Variants in LINGO2 observed in about 807,000 individuals in gnomAD.
LINGO2 encodes the protein leucine-rich repeat and immunoglobulin-like domain-containing nogo receptor-interacting protein 2.
In LINGO2, 14 loss-of-function variants were observed where a neutral mutation model predicts 30.6. The ratio of observed to expected loss-of-function variants is 0.46; its 90% CI spans 0.30 to 0.72. LINGO2 has a LOEUF of 0.72. LINGO2 is among the 30% of genes least tolerant of loss of function. The pLI is 0.07. For synonymous variants in LINGO2, 317 were observed against 288.5 expected, an observed-to-expected ratio of 1.10 and a Z score of -1.00; for missense variants, 729 against 751.7, an observed-to-expected ratio of 0.97 and a Z score of 0.35.
chr9:28,438,192 T>C (rs1393420042), intron 2 of LINGO2, among the ~76,000 whole-genome samples: 1 of 152,154 alleles, frequency 6.6e-6, no homozygotes, highest in Non-Finnish European at 1.5e-5. Flanking sequence ...GATGGTGAAT[T>C]TTATGGGTCA....
At chr9:28,644,479 A>G (rs1827742275) in intron 1 of LINGO2, among the ~76,000 whole-genome samples, 1 of 152,040 alleles carries the variant, frequency 6.6e-6, no homozygotes, top group Non-Finnish European at 1.5e-5. Context: ...AACCAAAACA[A>G]TTGAACTCAT....
At chr9:28,848,363 TTGTGTGTGTGTGTGTGTGTG>T in the LINGO2 span, among the ~76,000 whole-genome samples, 4 of 74,676 alleles carry the variant, frequency 5.4e-5, 1 homozygote, top group African/African-American at 1.9e-4. Context: ...TACACATATA[TTGTGTGTGTGTGTGTGTGTG>T]TGTGTGTGTG....
the LINGO2 span, among the ~76,000 whole-genome samples, chr9:28,938,327 A>G: frequency 9.9e-5 from 15 of 152,276 alleles, no homozygotes; most frequent in Non-Finnish European, 8.8e-5. Flanking sequence ...TCATTTTTTA[A>G]TAATATGCAT....
intron 5 of LINGO2, among the ~76,000 whole-genome samples, chr9:27,989,655 G>A (rs537148934): frequency 4.6e-5 from 7 of 152,052 alleles, no homozygotes; most frequent in Non-Finnish European, 7.4e-5. Context: ...TGGAACCAAA[G>A]ACCTATGTCC....
chr9:28,231,445 T>C (rs1821352430), intron 4 of LINGO2, among the ~76,000 whole-genome samples: 1 of 152,066 alleles, frequency 6.6e-6, no homozygotes, highest in African/African-American at 2.4e-5. Flanking sequence ...ACTAAAGGAT[T>C]CTTAAATATT....
At chr9:28,562,790 C>T (rs190687225) in intron 1 of LINGO2, among the ~76,000 whole-genome samples, 4 of 152,086 alleles carry the variant, frequency 2.6e-5, no homozygotes, top group African/African-American at 9.6e-5. Flanking sequence ...ATATAGTTAC[C>T]ACATTTAATC....
the LINGO2 span, among the ~76,000 whole-genome samples, chr9:28,848,393 GTGTGTATATATATATA>G: frequency 2.3e-3 from 157 of 67,200 alleles, 1 homozygote; most frequent in African/African-American, 9.4e-3. Context: ...GTGTGTGTGT[GTGTGTATATATATATA>G]TATATATATA....
At chr9:28,545,881 G>A (rs527304285) in intron 1 of LINGO2, among the ~76,000 whole-genome samples, 96 of 152,136 alleles carry the variant, frequency 6.3e-4, no homozygotes, top group African/African-American at 2.3e-3. Flanking sequence ...TAGAAAGTGG[G>A]TGAGTAAACT....
the LINGO2 span, among the ~76,000 whole-genome samples, chr9:28,908,488 C>T: frequency 6.6e-6 from 1 of 151,960 alleles, no homozygotes; most frequent in Middle Eastern, 3.4e-3. Flanking sequence ...TCCTCTCTCA[C>T]TTCCATAATA....
intron 4 of LINGO2, among the ~76,000 whole-genome samples, chr9:28,163,580 T>TA (rs1398318428): frequency 1.3e-5 from 2 of 152,152 alleles, no homozygotes; most frequent in African/African-American, 4.8e-5. Flanking sequence ...AGTAGATAGA[T>TA]ACTACCATAT....
chr9:28,456,293 G>T (rs1824844028), intron 2 of LINGO2, among the ~76,000 whole-genome samples: 1 of 152,132 alleles, frequency 6.6e-6, no homozygotes, highest in Non-Finnish European at 1.5e-5. Context: ...GTCTGGCCTG[G>T]CTTGTCAGCC....
Position 28,561,782 on chromosome 9 carries a change from A to ATATATATATAT in LINGO2, c.-364-85758_-364-85757insATATATATATA, listed in dbSNP as rs1563826654. Among the ~76,000 whole-genome samples the ATATATATATAT allele has an allele frequency of 2.7e-5, 2 of 73,614 alleles. 1 individual carries two copies. Among genetic ancestry groups the ATATATATATAT allele is most frequent in the African/African-American group, 1.4e-4 (2 of 13,866 alleles). 48.3% of individuals were successfully genotyped at this position (73,614 alleles called of 152,430 possible). A position where few individuals can be genotyped will look rare whatever the true frequency, so the allele number is the denominator to read the frequency against. On this transcript the variant is annotated intron_variant, in intron 1 of 5. Coordinates refer to ENST00000379992, the Ensembl canonical transcript of LINGO2. ...ATATATATATATATATATATATATA[A>ATATATATATAT]AAAATATGCTACTAGAACTGAAAAA...
chr9:28,932,183 T>C, the LINGO2 span, among the ~76,000 whole-genome samples: 2 of 139,790 alleles, frequency 1.4e-5, no homozygotes, highest in East Asian at 4.1e-4. Flanking sequence ...GGGGGGGATC[T>C]TGGCAATATG....
the LINGO2 span, among the ~76,000 whole-genome samples, chr9:28,911,092 A>G: frequency 6.6e-6 from 1 of 152,052 alleles, no homozygotes. Context: ...GAGATTGAAC[A>G]TAGGAAGAGA....
At chr9:28,615,153 C>G (rs1039285214) in intron 1 of LINGO2, among the ~76,000 whole-genome samples, 2 of 152,040 alleles carry the variant, frequency 1.3e-5, no homozygotes, top group Non-Finnish European at 2.9e-5. Context: ...TTCTGCCATA[C>G]GAGAATGTGT....
At chr9:28,574,613 T>C (rs1823864588) in intron 1 of LINGO2, among the ~76,000 whole-genome samples, 1 of 152,192 alleles carries the variant, frequency 6.6e-6, no homozygotes, top group South Asian at 2.1e-4. Context: ...GAGGACTCTA[T>C]ATTTTTTCCA....
intron 1 of LINGO2, among the ~76,000 whole-genome samples, chr9:28,591,598 G>T (rs1379538610): frequency 6.6e-6 from 1 of 151,984 alleles, no homozygotes; most frequent in African/African-American, 2.4e-5. Flanking sequence ...AACTCTTCTT[G>T]TGTGGGAGGT....
the LINGO2 span, among the ~76,000 whole-genome samples, chr9:28,996,686 T>C: frequency 2.0e-5 from 3 of 152,218 alleles, no homozygotes; most frequent in Non-Finnish European, 4.4e-5. Flanking sequence ...GAATTGCAAC[T>C]TCATTCAGGA....
At chr9:28,853,058 A>C in the LINGO2 span, among the ~76,000 whole-genome samples, 12 of 152,054 alleles carry the variant, frequency 7.9e-5, no homozygotes, top group African/African-American at 2.9e-4. Flanking sequence ...ACCTGGAGCC[A>C]TGTGGCTCCC....
Sources: gnomAD v4.1 joint callset for allele counts (sites outside exome capture counted in the v4.1 genomes callset) on GRCh38, gnomAD v4.1.1 for gene constraint, MANE v1.5 for transcripts, NCBI Gene and HGNC (gene_info 2026-07-23, HGNC 2026-07-21) for gene names.